GALNT13: variants seen among roughly 807,000 people sequenced by gnomAD.
GALNT13 encodes the protein UDP-GalNAc:polypeptide N-acetylgalactosaminyltransferase 13.
A neutral mutation model predicts 64.2 loss-of-function variants in GALNT13; 28 were observed. That is an observed-to-expected ratio of 0.44 (90% CI 0.32 to 0.60). GALNT13 has a LOEUF of 0.60. Ranked by LOEUF, GALNT13 falls within the 20% of genes least tolerant of loss-of-function variation. The pLI is 0.05. For missense variants in GALNT13, 577 were observed against 669.8 expected (o/e 0.86, Z 1.53); for synonymous variants, 214 against 224.6 (o/e 0.95, Z 0.42).
the GALNT13 span, among the ~76,000 whole-genome samples, chr2:153,126,892 C>A: frequency 1.3e-5 from 2 of 152,096 alleles, no homozygotes; most frequent in Non-Finnish European, 2.9e-5. Context: ...GTGCCTATGC[C>A]ACTGCCCTGA....
At chr2:153,403,108 T>G in the GALNT13 span, among the ~76,000 whole-genome samples, 1 of 151,772 alleles carries the variant, frequency 6.6e-6, no homozygotes, top group African/African-American at 2.4e-5. Context: ...GGGTTTTTGG[T>G]GTGGATGTCC....
chr2:153,887,593 A>G (rs889723520), intron 1 of GALNT13, among the ~76,000 whole-genome samples: 7 of 151,948 alleles, frequency 4.6e-5, no homozygotes, highest in African/African-American at 1.4e-4. Context: ...TTATGATATT[A>G]TACACATTAT....
chr2:154,185,955 CTTAA>C (rs999515826), intron 4 of GALNT13, among the ~76,000 whole-genome samples: 1 of 151,882 alleles, frequency 6.6e-6, no homozygotes, highest in Admixed American at 6.6e-5. Context: ...ATATTTTTTA[CTTAA>C]TTATTACAGT....
At chr2:154,238,252 A>C (rs1241768499) in intron 4 of GALNT13, among the ~76,000 whole-genome samples, 1 of 152,074 alleles carries the variant, frequency 6.6e-6, no homozygotes, top group Non-Finnish European at 1.5e-5. Context: ...TATGATAAGC[A>C]ATACTATTTA....
chr2:154,271,876 T>G (rs1691374027), intron 8 of GALNT13, among the ~76,000 whole-genome samples: 1 of 151,928 alleles, frequency 6.6e-6, no homozygotes, highest in African/African-American at 2.4e-5. Flanking sequence ...GGATAAAAAT[T>G]TTACAGTATT....
the GALNT13 span, among the ~76,000 whole-genome samples, chr2:153,322,523 T>G: frequency 6.6e-6 from 1 of 152,186 alleles, no homozygotes; most frequent in East Asian, 1.9e-4. Context: ...TTTATTATAC[T>G]TTAAGTTCTG....
At chr2:153,600,282 T>A in the GALNT13 span, among the ~76,000 whole-genome samples, 2 of 152,046 alleles carry the variant, frequency 1.3e-5, no homozygotes, top group African/African-American at 4.8e-5. Context: ...AATGGTATTT[T>A]ATTTTTCAAA....
intron 3 of GALNT13, among the ~76,000 whole-genome samples, chr2:154,052,216 A>G (rs982261332): frequency 6.6e-6 from 1 of 152,198 alleles, no homozygotes; most frequent in East Asian, 1.9e-4. Context: ...TGCCTGTCCT[A>G]CAGTAGGTAA....
intron 9 of GALNT13, among the ~76,000 whole-genome samples, chr2:154,330,702 C>T (rs1016548606): frequency 1.3e-5 from 2 of 152,046 alleles, no homozygotes; most frequent in African/African-American, 2.4e-5. Flanking sequence ...ACTCAGACCA[C>T]GCTACACCAT....
the GALNT13 span, among the ~76,000 whole-genome samples, chr2:153,536,149 T>C: frequency 6.6e-6 from 1 of 152,154 alleles, no homozygotes; most frequent in Non-Finnish European, 1.5e-5. Context: ...GCTGGAAGCA[T>C]GAGGGTTTTC....
At chr2:154,359,078 T>A (rs139542529) in intron 9 of GALNT13, among the ~76,000 whole-genome samples, 68 of 152,244 alleles carry the variant, frequency 4.5e-4, no homozygotes, top group African/African-American at 1.6e-3. Flanking sequence ...GTTTGGTGAA[T>A]CAGAACTACA....
At chr2:154,017,952 C>G (rs903601095) in intron 3 of GALNT13, among the ~76,000 whole-genome samples, 1 of 152,194 alleles carries the variant, frequency 6.6e-6, no homozygotes, top group South Asian at 2.1e-4. Context: ...GACACGTCCA[C>G]TGCTTACTTT....
At chr2:154,172,414 G>T (rs7580788) in intron 4 of GALNT13, among the ~76,000 whole-genome samples, 91,126 of 151,638 alleles carry the variant, frequency 0.6, 28,215 homozygotes, top group Admixed American at 0.72. Context: ...CTGCTTTTTG[G>T]ACCCATTAAT....
At chr2:153,953,645 C>T (rs958467614) in intron 3 of GALNT13, among the ~76,000 whole-genome samples, 2 of 152,164 alleles carry the variant, frequency 1.3e-5, no homozygotes, top group African/African-American at 2.4e-5. Context: ...ATTCTGAAAA[C>T]TCCGTGTTTT....
intron 3 of GALNT13, among the ~76,000 whole-genome samples, chr2:153,988,065 T>TAC (rs1306972977): frequency 7.1e-5 from 10 of 140,824 alleles, no homozygotes; most frequent in East Asian, 2.2e-4. Flanking sequence ...GACATATATA[T>TAC]ATATATATAC....
At chr2:154,414,989 T>A (rs707056) in intron 11 of GALNT13, among the ~76,000 whole-genome samples, 1 of 151,952 alleles carries the variant, frequency 6.6e-6, no homozygotes, top group Non-Finnish European at 1.5e-5. Flanking sequence ...CAAACTGATA[T>A]TAATTTTTAT....
intron 4 of GALNT13, among the ~76,000 whole-genome samples, chr2:154,164,612 T>C (rs776829796): frequency 6.6e-6 from 1 of 152,166 alleles, no homozygotes; most frequent in Non-Finnish European, 1.5e-5. Context: ...AGAATTGTTA[T>C]GTTAAGTTAA....
At chr2:153,842,457 A>ACCTAAGAGT in the GALNT13 span, among the ~76,000 whole-genome samples, 1 of 152,136 alleles carries the variant, frequency 6.6e-6, no homozygotes, top group Non-Finnish European at 1.5e-5. Context: ...AAGTGTCATC[A>ACCTAAGAGT]CCTAAGAGTA....
chr2:154,353,620 T>C (rs1248584866), intron 9 of GALNT13, among the ~76,000 whole-genome samples: 3 of 152,172 alleles, frequency 2.0e-5, no homozygotes, highest in African/African-American at 7.2e-5. Flanking sequence ...TTCTGCAAGT[T>C]TGACCTTTTT....
Sources: allele counts gnomAD v4.1 joint callset (sites outside exome capture counted in the v4.1 genomes callset), GRCh38; gene constraint gnomAD v4.1.1; transcripts MANE v1.5; gene names NCBI Gene and HGNC (gene_info 2026-07-23, HGNC 2026-07-21).